The following EP300 variants were observed in gnomAD, a reference collection of about 807,000 sequenced individuals.
The protein encoded by EP300 is histone acetyltransferase p300.
In EP300, 31 loss-of-function variants were observed where a neutral mutation model predicts 264.0. That is an observed-to-expected ratio of 0.12 (90% CI 0.09 to 0.16). The LOEUF (loss-of-function observed/expected upper bound fraction) is 0.16, where lower values mean the gene tolerates loss of function less well. Ranked by LOEUF, EP300 falls within the 10% of genes least tolerant of loss-of-function variation. The pLI is 1.00. For synonymous variants in EP300, 1,340 were observed against 1,045.4 expected, an observed-to-expected ratio of 1.28 and a Z score of -5.44; for missense variants, 2,766 against 3,052.9, an observed-to-expected ratio of 0.91 and a Z score of 2.21.
At chr22:41,120,446 T>C (rs2058845865) in intron 2 of EP300, among the ~76,000 whole-genome samples, 6 of 152,140 alleles carry the variant, frequency 3.9e-5, no homozygotes, top group Admixed American at 3.3e-4. Context: ...TCCTAAGACT[T>C]GTGATATTTA....
chr22:41,146,526 G>T (rs772993367), intron 10 of EP300: 1 of 577,334 alleles, frequency 1.7e-6, no homozygotes, highest in Non-Finnish European at 3.1e-6. Context: ...GCTCATAAAG[G>T]AATACCAACA....
intron 13 of EP300, among the ~76,000 whole-genome samples, chr22:41,149,559 A>G (rs1489442496): frequency 1.3e-5 from 2 of 152,154 alleles, no homozygotes; most frequent in African/African-American, 2.4e-5. Context: ...AATGGTTTGA[A>G]GTCTCTTTAG....
chr22:41,116,377 C>T (rs1312542262), intron 1 of EP300, among the ~76,000 whole-genome samples: 1 of 152,106 alleles, frequency 6.6e-6, no homozygotes, highest in Admixed American at 6.6e-5. Flanking sequence ...CCCCCCATCC[C>T]CCAGCAGGCC....
chr22:41,131,736 T>G (rs1386737596), intron 6 of EP300, 103 bp downstream of exon 6: 1 of 1,553,046 alleles, frequency 6.4e-7, no homozygotes, highest in East Asian at 2.2e-5. Flanking sequence ...GCTACATGAT[T>G]TTTTAAGTAA....
chr22:41,138,989 G>A (rs760532281), intron 8 of EP300, among the ~76,000 whole-genome samples: 1 of 151,718 alleles, frequency 6.6e-6, no homozygotes, highest in Non-Finnish European at 1.5e-5. Flanking sequence ...TTTCTCTGTC[G>A]CCCAGGCTGG....
rs760816512 is a variant in EP300, at chr22:41,127,574, C to G, written c.994C>G (p.Pro332Ala). The G allele has an allele frequency of 1.9e-6, 3 of 1,614,190 alleles. No homozygotes were observed. Among genetic ancestry groups the G allele is most frequent in the African/African-American group, 2.7e-5 (2 of 75,046 alleles). ...GGGTTCTGGAGCACATACAGCTGAT[C>G]CAGAGAAGCGCAAGCTCATCCAGCA... is the stretch of plus-strand genomic sequence containing the variant. ...GMGSGAHTAD[P>A]EKRKLIQQQL... Residue 332 changes from proline to alanine, a missense_variant, in exon 4 of 31, where the codon CCA becomes GCA. By Grantham distance (27) the Pro-to-Ala change is conservative. Transcript: ENST00000263253.
intron 14 of EP300, among the ~76,000 whole-genome samples, chr22:41,151,199 G>A (rs764963298): frequency 5.9e-5 from 9 of 152,048 alleles, no homozygotes; most frequent in Non-Finnish European, 1.3e-4. Flanking sequence ...TGTACTTGAC[G>A]GATGGCTGGT....
At chr22:41,159,363 A>G (rs1178713194) in intron 19 of EP300, 2 of 152,196 alleles carry the variant, frequency 1.3e-5, no homozygotes, top group African/African-American at 4.8e-5. Context: ...TTATTTACAA[A>G]AAGTTAGGCG....
chr22:41,126,120 T>A, intron 3 of EP300, 80 bp downstream of exon 3: 2 of 1,460,486 alleles, frequency 1.4e-6, no homozygotes, highest in Non-Finnish European at 9.6e-7. Context: ...ACCCTTCTGT[T>A]ATATATGCTG....
intron 6 of EP300, among the ~76,000 whole-genome samples, chr22:41,134,245 G>A (rs953086787): frequency 2.0e-5 from 3 of 148,812 alleles, no homozygotes; most frequent in Non-Finnish European, 4.4e-5. Flanking sequence ...TACCTAATCA[G>A]GGACTTAGAT....
intron 8 of EP300, 96 bp from the exon 9 acceptor site, chr22:41,140,044 T>A: frequency 1.2e-6 from 1 of 867,636 alleles, no homozygotes; most frequent in Non-Finnish European, 2.0e-6. Flanking sequence ...TTGCCATTAT[T>A]TTTTCTTTTC....
At chr22:41,146,881 C>G (rs750488104) in intron 11 of EP300, 65 bp downstream of exon 11, 2 of 1,379,038 alleles carry the variant, frequency 1.5e-6, no homozygotes, top group Non-Finnish European at 2.0e-6. Context: ...ATAATACTTG[C>G]TACCTGAACA....
rs1239883671 is a variant in EP300, at chr22:41,150,071, T to C, written c.2690T>C (p.Val897Ala). The change falls in exon 14 of 31, where the codon GTG becomes GCG. Residue 897 changes from valine (V) to alanine (A), a missense_variant. Coordinates refer to ENST00000263253, the MANE Select transcript of EP300 (RefSeq NM_001429.4). ...TPPTTQLPQQ[V>A]QPSLPAAPSA... is the part of the protein sequence containing the mutation. The stretch of plus-strand genomic sequence containing the variant: ...CCAACAACACAACTTCCCCAACAAG[T>C]GCAGCCTTCACTTCCTGCTGCACCT... The C allele has an allele frequency of 6.2e-7, 1 of 1,613,876 alleles. No homozygotes were observed. The highest frequency in any genetic ancestry group is 1.7e-5 in the Admixed American group (1 of 60,028).
intron 1 of EP300, among the ~76,000 whole-genome samples, chr22:41,096,478 CT>C (rs1312385962): frequency 6.6e-6 from 1 of 151,766 alleles, no homozygotes; most frequent in Non-Finnish European, 1.5e-5. Flanking sequence ...GGGTTTTGTG[CT>C]TTTTTGTTTT....
chr22:41,179,254 A>C lies in EP300; in HGVS notation c.*298A>C. The C allele has an allele frequency of 2.5e-6, 1 of 398,944 alleles. No individual in the cohort carries two copies. Among genetic ancestry groups the C allele is most frequent in the East Asian group, 4.1e-5 (1 of 24,598 alleles). 24.7% of individuals were successfully genotyped at this position (398,944 alleles called of 1,614,324 possible). On this transcript the variant is annotated 3_prime_UTR_variant, in exon 31 of 31. Coordinates refer to ENST00000263253, the MANE Select transcript of EP300 (RefSeq NM_001429.4). ...GCTGAGGCCTGTGAAGCCAAACAAT[A>C]TGCTCCTGCCTTGCACCTCCAATAG...
At chr22:41,100,046 C>T (rs1426953064) in intron 1 of EP300, among the ~76,000 whole-genome samples, 1 of 152,088 alleles carries the variant, frequency 6.6e-6, no homozygotes, top group African/African-American at 2.4e-5. Context: ...GTGGGACCCC[C>T]CATCCCCCCA....
rs2145522945 is a variant in EP300, at chr22:41,178,644, G to A, written c.6933G>A (p.Gln2311=). ...TCTCCAATCAAGTGCGCTCTCCCCA[G>A]CCTGTCCCTTCTCCACGGCCACAGT... is the stretch of plus-strand genomic sequence containing the variant. ...NSLSNQVRSP[Q]PVPSPRPQSQ... Residue 2311 remains glutamine (Q), a synonymous_variant, in exon 31 of 31, where the codon CAG becomes CAA. Transcript: ENST00000263253. 3 of 1,614,022 alleles carry A rather than the reference G, an allele frequency of 1.9e-6. No individual in the cohort carries two copies. The highest frequency in any genetic ancestry group is 1.7e-6 in the Non-Finnish European group (2 of 1,180,010).
At chr22:41,126,746 T>C (rs1163554426) in intron 3 of EP300, among the ~76,000 whole-genome samples, 1 of 129,898 alleles carries the variant, frequency 7.7e-6, no homozygotes, top group East Asian at 2.3e-4. Flanking sequence ...TTTTTTTTTT[T>C]TTTTTTTTTT....
In EP300 at chr22:41,173,790, A is replaced by G; in HGVS notation, c.4779+6A>G. The G allele has an allele frequency of 6.2e-7, 1 of 1,614,014 alleles. No homozygotes were observed. Among genetic ancestry groups the G allele is most frequent in the Non-Finnish European group, 8.5e-7 (1 of 1,179,918 alleles). Reference sequence around the variant, plus strand: ...CCATGGAGAAGCATAAAGAGGTAAGATGCAGCCACCCAGAGTTGGGGAAAA... The same window carrying G: ...CCATGGAGAAGCATAAAGAGGTAAGGTGCAGCCACCCAGAGTTGGGGAAAA... On this transcript the variant is annotated splice_donor_region_variant and intron_variant, in intron 29 of 30. Coordinates refer to ENST00000263253, the MANE Select transcript of EP300 (RefSeq NM_001429.4).
Sources: gnomAD v4.1 joint callset for allele counts (sites outside exome capture counted in the v4.1 genomes callset) on GRCh38, gnomAD v4.1.1 for gene constraint, MANE v1.5 for transcripts, NCBI Gene and HGNC (gene_info 2026-07-23, HGNC 2026-07-21) for gene names.